Variants in TAFA5 observed in about 807,000 individuals in gnomAD.
The protein encoded by TAFA5 is chemokine-like protein TAFA-5.
TAFA5 carries 6 observed loss-of-function variants against 15.3 expected under a neutral mutation model. That is an observed-to-expected ratio of 0.39 (90% confidence interval 0.21 to 0.77). The LOEUF (loss-of-function observed/expected upper bound fraction) is 0.77, where lower values mean the gene tolerates loss of function less well. Ranked by LOEUF, TAFA5 falls within the 30% of genes least tolerant of loss-of-function variation. TAFA5 has a pLI of 0.41. For missense variants in TAFA5, 161 were observed against 193.1 expected, an observed-to-expected ratio of 0.83 and a Z score of 0.98; for synonymous variants, 103 against 80.7, an observed-to-expected ratio of 1.28 and a Z score of -1.48.
At chr22:48,651,539 A>C (rs1427669568) in intron 2 of TAFA5, among the ~76,000 whole-genome samples, 1 of 151,986 alleles carries the variant, frequency 6.6e-6, no homozygotes, top group African/African-American at 2.4e-5. Flanking sequence ...GGTTCTGGGC[A>C]GAGGTATGGT....
intron 1 of TAFA5, among the ~76,000 whole-genome samples, chr22:48,535,795 G>T (rs928781589): frequency 4.0e-5 from 6 of 150,424 alleles, no homozygotes; most frequent in African/African-American, 1.5e-4. Flanking sequence ...GTGCACACAG[G>T]CTGTGTGGGT....
intron 1 of TAFA5, among the ~76,000 whole-genome samples, chr22:48,507,689 C>G (rs891743903): frequency 1.3e-5 from 2 of 152,270 alleles, no homozygotes; most frequent in Middle Eastern, 3.4e-3. Flanking sequence ...GGACTTTGTC[C>G]TAAGGTAGAA....
intron 3 of TAFA5, 40 bp downstream of exon 3, chr22:48,707,884 G>T: frequency 9.4e-6 from 15 of 1,597,844 alleles, no homozygotes; most frequent in Non-Finnish European, 1.3e-5. Context: ...TGCTGGGGAG[G>T]GGGTATGTGT....
At chr22:48,658,524 CG>C (rs1249072566) in intron 2 of TAFA5, among the ~76,000 whole-genome samples, 11 of 152,218 alleles carry the variant, frequency 7.2e-5, no homozygotes, top group Non-Finnish European at 1.2e-4. Context: ...TTGATGCGGC[CG>C]GCAGGTTCAG....
intron 2 of TAFA5, among the ~76,000 whole-genome samples, chr22:48,687,786 T>G (rs187858482): frequency 6.6e-6 from 1 of 152,252 alleles, no homozygotes; most frequent in Non-Finnish European, 1.5e-5. Context: ...GGGGAACATG[T>G]AGCTGCCCCC....
chr22:48,591,948 C>T (rs964482568), intron 1 of TAFA5, among the ~76,000 whole-genome samples: 2 of 152,300 alleles, frequency 1.3e-5, no homozygotes, highest in African/African-American at 2.4e-5. Context: ...CCCAGCCTCA[C>T]GGCCCTGAGC....
At chr22:48,721,447 C>G (rs1205153840) in intron 3 of TAFA5, among the ~76,000 whole-genome samples, 1 of 152,230 alleles carries the variant, frequency 6.6e-6, no homozygotes, top group Non-Finnish European at 1.5e-5. Context: ...GAACCGGTGC[C>G]ACTGTCTGAT....
intron 3 of TAFA5, among the ~76,000 whole-genome samples, chr22:48,720,784 A>G (rs1029626391): frequency 1.4e-4 from 22 of 152,156 alleles, no homozygotes; most frequent in African/African-American, 4.6e-4. Context: ...CTCGAGACGT[A>G]TTTCTGAGCA....
intron 1 of TAFA5, among the ~76,000 whole-genome samples, chr22:48,510,285 G>A (rs569724400): frequency 1.7e-4 from 26 of 152,260 alleles, no homozygotes; most frequent in African/African-American, 5.8e-4. Flanking sequence ...AATATTTGCG[G>A]GTTCTTCCTC....
At chr22:48,697,365 TGAC>T (rs71747297) in intron 2 of TAFA5, among the ~76,000 whole-genome samples, 41,034 of 151,842 alleles carry the variant, frequency 0.27, 5,792 homozygotes, top group Non-Finnish European at 0.3. Context: ...ATGATAATGA[TGAC>T]GATGATGATG....
At chr22:48,496,554 C>T (rs747953999) in intron 1 of TAFA5, among the ~76,000 whole-genome samples, 13 of 152,144 alleles carry the variant, frequency 8.5e-5, no homozygotes, top group Non-Finnish European at 1.3e-4. Flanking sequence ...GAGTCAGGGA[C>T]GCCTGACCAG....
intron 2 of TAFA5, among the ~76,000 whole-genome samples, chr22:48,679,852 C>T (rs928930688): frequency 6.6e-6 from 1 of 152,150 alleles, no homozygotes; most frequent in African/African-American, 2.4e-5. Context: ...TGTGGACCGG[C>T]CCTGCCCAAG....
chr22:48,699,084 C>T (rs1384317106), intron 2 of TAFA5, among the ~76,000 whole-genome samples: 2 of 151,982 alleles, frequency 1.3e-5, no homozygotes, highest in African/African-American at 4.8e-5. Context: ...TGGGATGTAC[C>T]ACCATGCCCA....
chr22:48,503,990 G>T (rs766971224), intron 1 of TAFA5, among the ~76,000 whole-genome samples: 1 of 152,208 alleles, frequency 6.6e-6, no homozygotes, highest in Non-Finnish European at 1.5e-5. Flanking sequence ...CATAAGCCAG[G>T]CTGGGACCCT....
chr22:48,703,227 G>GTGTA lies in TAFA5; in HGVS notation c.263-4487_263-4486insATGT, dbSNP rs1307129277. Among the ~76,000 whole-genome samples the GTGTA allele has an allele frequency of 2.0e-5, 3 of 152,196 alleles. No individual in the cohort carries two copies. In the East Asian group the frequency reaches 5.8e-4, roughly 29 times the overall value. ...ACATGTGTGTGATGTGTACGTGTGT[G>GTGTA]TGTTGTGTACATGTGTGTGTGGTGT... On this transcript the variant is annotated intron_variant, in intron 2 of 3. Transcript: ENST00000402357.
chr22:48,514,435 G>A (rs1172250093), intron 1 of TAFA5, among the ~76,000 whole-genome samples: 1 of 152,146 alleles, frequency 6.6e-6, no homozygotes, highest in Non-Finnish European at 1.5e-5. Flanking sequence ...GAATAACTTC[G>A]CCATGACTTT....
At chr22:48,587,295 G>A (rs563781979) in intron 1 of TAFA5, among the ~76,000 whole-genome samples, 8 of 152,294 alleles carry the variant, frequency 5.3e-5, no homozygotes, top group Non-Finnish European at 1.0e-4. Context: ...CACGGGCCTC[G>A]GGGTGGGCAG....
chr22:48,740,559 C>T (rs546150339), intron 3 of TAFA5, among the ~76,000 whole-genome samples: 5 of 152,294 alleles, frequency 3.3e-5, no homozygotes, highest in East Asian at 1.9e-4. Context: ...TCCTTCCTAA[C>T]GTGGAAGCAC....
intron 1 of TAFA5, among the ~76,000 whole-genome samples, chr22:48,633,603 CTG>C (rs1220970778): frequency 3.3e-5 from 5 of 151,704 alleles, no homozygotes; most frequent in African/African-American, 1.2e-4. Flanking sequence ...TTCCCTCTCT[CTG>C]CATCTTTCTT....
Sources: gnomAD v4.1 joint callset for allele counts (sites outside exome capture counted in the v4.1 genomes callset) on GRCh38, gnomAD v4.1.1 for gene constraint, MANE v1.5 for transcripts, NCBI Gene and HGNC (gene_info 2026-07-23, HGNC 2026-07-21) for gene names.